Variants in MYOF observed in about 807,000 individuals in gnomAD.
MYOF encodes fer-1-like 3, myoferlin.
In MYOF, 244 loss-of-function variants were observed where a neutral mutation model predicts 284.2. That is an observed-to-expected ratio of 0.86 (90% CI 0.77 to 0.95). The LOEUF is 0.95. Among genes scored for constraint, MYOF ranks in the 40% least tolerant of loss-of-function variants. The pLI, the probability that MYOF is intolerant of heterozygous loss-of-function variation, is 0.00. For missense variants in MYOF, 2,496 were observed against 2,560.6 expected (o/e 0.97, Z 0.54); for synonymous variants, 904 against 919.7 (o/e 0.98, Z 0.31).
intron 26 of MYOF, among the ~76,000 whole-genome samples, chr10:93,365,281 A>G (rs1433318085): frequency 6.6e-6 from 1 of 152,114 alleles, no homozygotes; most frequent in African/African-American, 2.4e-5. Flanking sequence ...TTCCCTCCCA[A>G]CTCAAGGCTG....
intron 18 of MYOF, 31 bp downstream of exon 18, chr10:93,388,999 G>A (rs1231105106): frequency 6.2e-7 from 1 of 1,606,358 alleles, no homozygotes; most frequent in Non-Finnish European, 8.5e-7. Context: ...AACCAATGCT[G>A]ATTAATAACC....
chr10:93,337,498 T>C lies in MYOF; in HGVS notation c.4437+317A>G, dbSNP rs1843669841. The C allele has an allele frequency of 1.4e-5, 4 of 291,396 alleles. No homozygotes were observed. In the South Asian group the frequency reaches 3.9e-4, roughly 28 times the overall value. The allele number at this position is 291,396 out of a possible 1,614,324, so 18.1% of individuals were successfully genotyped here. On this transcript the variant is annotated intron_variant, in intron 40 of 53. Coordinates refer to ENST00000359263, the MANE Select transcript of MYOF (RefSeq NM_013451.4). ...GTCATTCTGCAAAGAGCACTATGACTTCTGGGTTTCCCTGAGTCAAACTGG... is the reference window on the plus strand; with the variant it reads ...GTCATTCTGCAAAGAGCACTATGACCTCTGGGTTTCCCTGAGTCAAACTGG...
chr10:93,346,536 T>C (rs1021801046), intron 37 of MYOF, among the ~76,000 whole-genome samples: 1 of 152,272 alleles, frequency 6.6e-6, no homozygotes, highest in Non-Finnish European at 1.5e-5. Context: ...CAAGTAACTA[T>C]TGAATGGGTA....
chr10:93,316,708 C>A lies in MYOF; in HGVS notation c.5698+6G>T. On this transcript the variant is annotated splice_donor_region_variant and intron_variant, in intron 50 of 53. Transcript: ENST00000359263. ...TTAGAAACAATGATCCAAATGTAAG[C>A]CCTACCCAAGTAGTCATCCAGAGAA... The A allele has an allele frequency of 6.2e-7, 1 of 1,603,708 alleles. No homozygotes were observed. The highest frequency in any genetic ancestry group is 8.5e-7 in the Non-Finnish European group (1 of 1,170,690).
intron 38 of MYOF, among the ~76,000 whole-genome samples, chr10:93,341,005 G>A (rs776244088): frequency 1.3e-5 from 2 of 152,160 alleles, no homozygotes; most frequent in Admixed American, 6.5e-5. Flanking sequence ...TTCCGTAGGT[G>A]CCCCTTGGTA....
At chr10:93,372,827 A>T in intron 24 of MYOF, 103 bp downstream of exon 24, 1 of 1,362,846 alleles carries the variant, frequency 7.3e-7, no homozygotes, top group Non-Finnish European at 1.0e-6. Flanking sequence ...GATCCCAATC[A>T]CCCTTACCAT....
intron 3 of MYOF, among the ~76,000 whole-genome samples, chr10:93,450,292 T>C (rs181686232): frequency 6.6e-6 from 1 of 152,320 alleles, no homozygotes; most frequent in East Asian, 1.9e-4. Flanking sequence ...CTCAGGAGGC[T>C]GAGGCAGGAG....
chr10:93,369,200 T>A (rs1845470980), intron 25 of MYOF, among the ~76,000 whole-genome samples: 1 of 140,220 alleles, frequency 7.1e-6, no homozygotes, highest in African/African-American at 2.6e-5. Context: ...TTTAAGACAC[T>A]CTACCCCAAG....
In MYOF at chr10:93,401,452, CAAG is replaced by C. The variant is rs777616575; in HGVS notation, c.1080_1082del (p.Phe360del). On this transcript the variant is annotated inframe_deletion, in exon 12 of 54. Transcript: ENST00000359263. ...TGTCCTCAGCTCGGTAGATTTTCAG[CAAG>C]AAGGTCACCCACCGGAGGGCAATGC... 5 of 1,614,134 alleles carry C rather than the reference CAAG, an allele frequency of 3.1e-6. No homozygotes were observed. Among genetic ancestry groups the C allele is most frequent in the East Asian group, 4.5e-5 (2 of 44,878 alleles).
intron 5 of MYOF, 162 bp downstream of exon 5, chr10:93,425,909 T>C: frequency 1.6e-6 from 1 of 644,494 alleles, no homozygotes; most frequent in South Asian, 1.9e-5. Context: ...ACAATTGCAA[T>C]GTCCCAATTC....
intron 3 of MYOF, 147 bp downstream of exon 3, chr10:93,451,903 T>A (rs1170682480): frequency 7.4e-6 from 5 of 674,064 alleles, no homozygotes; most frequent in Non-Finnish European, 1.3e-5. Context: ...CATCTGCTAT[T>A]GGCTTAGAAG....
chr10:93,437,096 A>G (rs2140553), intron 3 of MYOF, among the ~76,000 whole-genome samples: 30,929 of 152,146 alleles, frequency 0.2, 4,000 homozygotes, highest in East Asian at 0.73. Context: ...CTTTCAGCCC[A>G]CGAATGTCAT....
chr10:93,459,580 G>A (rs2056828373), intron 1 of MYOF, among the ~76,000 whole-genome samples: 1 of 152,186 alleles, frequency 6.6e-6, no homozygotes, highest in Non-Finnish European at 1.5e-5. Flanking sequence ...GTTTGTGTGT[G>A]TTTGCCACCA....
chr10:93,314,901 T>G (rs1842550011), intron 50 of MYOF, among the ~76,000 whole-genome samples: 1 of 152,026 alleles, frequency 6.6e-6, no homozygotes, highest in African/African-American at 2.4e-5. Context: ...ATACACAAAA[T>G]TATCCAGGCT....
rs780555861 is a variant in MYOF at position 93,310,040 on chromosome 10, C to T, written c.6127G>A (p.Val2043Met). Residue 2043 changes from valine (V) to methionine (M), a missense_variant, in exon 53 of 54, where the codon GTG becomes ATG. This residue lies in a region of MYOF where 2,436 missense variants were observed against 2,480.7 expected (regional missense o/e 0.98). Coordinates refer to ENST00000359263, the MANE Select transcript of MYOF (RefSeq NM_013451.4). Reference sequence around the variant, plus strand: ...CCTACCGGCAAAGAGTAGAGGAGCACGGCCACGAAGAGCAGCAGGATAAGC... The same window carrying T: ...CCTACCGGCAAAGAGTAGAGGAGCATGGCCACGAAGAGCAGCAGGATAAGC... ...FLLILLLFVA[V>M]LLYSLPNYLS... is the part of the protein sequence containing the mutation. 3.3e-5 allele frequency: 53 copies of T among 1,613,900 alleles called. No individual in the cohort carries two copies. Among genetic ancestry groups the T allele is most frequent in the South Asian group, 5.5e-5 (5 of 91,076 alleles).
intron 7 of MYOF, among the ~76,000 whole-genome samples, 159 bp from the exon 8 acceptor site, chr10:93,404,378 C>G (rs1270707613): frequency 1.3e-5 from 2 of 152,110 alleles, no homozygotes; most frequent in African/African-American, 2.4e-5. Flanking sequence ...AGTTTAAGCC[C>G]TGCAGTTTAA....
At chr10:93,371,579 A>C (rs1003639209) in intron 24 of MYOF, among the ~76,000 whole-genome samples, 1 of 152,250 alleles carries the variant, frequency 6.6e-6, no homozygotes, top group Non-Finnish European at 1.5e-5. Flanking sequence ...AACATTTTAA[A>C]TTAAATATGT....
At position 93,313,185 on chromosome 10, in the gene MYOF, G is replaced by T. The variant is rs762252053; in HGVS notation, c.5724C>A (p.His1908Gln). ...CTGGTGATTTTGCAGGAATGATCGT[G>T]TGACGCAAGTCAAGTTCTAGGAAAC... ...YLGFLELDLR[H>Q]TIIPAKSPEK... Residue 1908 changes from histidine (H) to glutamine (Q), a missense_variant, in exon 51 of 54, where the codon CAC becomes CAA. This residue lies in a region of MYOF where 2,436 missense variants were observed against 2,480.7 expected (regional missense o/e 0.98). Coordinates refer to ENST00000359263, the MANE Select transcript of MYOF (RefSeq NM_013451.4). 1.2e-6 allele frequency: 2 copies of T among 1,613,516 alleles called. No individual in the cohort carries two copies. Among genetic ancestry groups the T allele is most frequent in the Non-Finnish European group, 1.7e-6 (2 of 1,179,858 alleles).
intron 22 of MYOF, among the ~76,000 whole-genome samples, chr10:93,376,242 G>A (rs1388128002): frequency 6.6e-6 from 1 of 152,180 alleles, no homozygotes; most frequent in Non-Finnish European, 1.5e-5. Context: ...CTACGGCATT[G>A]TATTTGAAGG....
Sources: allele counts gnomAD v4.1 joint callset (sites outside exome capture counted in the v4.1 genomes callset), GRCh38; gene constraint gnomAD v4.1.1; regional missense constraint gnomAD v4.1.1; transcripts MANE v1.5; gene names NCBI Gene and HGNC (gene_info 2026-07-23, HGNC 2026-07-21).